MSC: variants seen among roughly 807,000 people sequenced by gnomAD.
The protein encoded by MSC is musculin.
A neutral mutation model predicts 14.4 loss-of-function variants in MSC; 16 were observed. The observed-to-expected ratio is 1.11, with a 90% confidence interval of 0.75 to 1.69. The LOEUF is 1.69. MSC is among the 40% of genes most tolerant of loss of function. The pLI, the probability that MSC is intolerant of heterozygous loss-of-function variation, is 0.00. For missense variants in MSC, 320 were observed against 288.1 expected (o/e 1.11, Z -0.80); for synonymous variants, 165 against 128.5 (o/e 1.28, Z -1.92).
At position 71,842,499 on chromosome 8, in the gene MSC, G is replaced by A; in HGVS notation, c.*162C>T. The A allele has an allele frequency of 4.0e-6, 3 of 754,876 alleles. No homozygotes were observed. Among genetic ancestry groups the A allele is most frequent in the Non-Finnish European group, 7.0e-6 (3 of 429,688 alleles). The allele number at this position is 754,876 out of a possible 1,614,324, so 46.8% of individuals were successfully genotyped here. A position where few individuals can be genotyped will look rare whatever the true frequency, so the allele number is the denominator to read the frequency against. On this transcript the variant is annotated 3_prime_UTR_variant, in exon 2 of 2. Transcript: ENST00000325509. The stretch of plus-strand genomic sequence containing the variant: ...TAGCCGTGGGCGCTGTGCAGTGACA[G>A]CCACACCCGCCACCTGTCACGATCA...
chr8:71,842,510 C>T lies in MSC; in HGVS notation c.*151G>A, dbSNP rs1807404390. 3 of 800,404 alleles carry T rather than the reference C, an allele frequency of 3.7e-6. No individual in the cohort carries two copies. Among genetic ancestry groups the T allele is most frequent in the South Asian group, 3.0e-5 (2 of 67,560 alleles). 49.6% of individuals were successfully genotyped at this position (800,404 alleles called of 1,614,324 possible). ...GCTGTGCAGTGACAGCCACACCCGC[C>T]ACCTGTCACGATCACAGTTCCAGGG... On this transcript the variant is annotated 3_prime_UTR_variant, in exon 2 of 2. Transcript: ENST00000325509.
Position 71,843,790 on chromosome 8 carries a change from AGCC to A in MSC, c.386_388del (p.Arg129_Leu130delinsIle). The A allele has an allele frequency of 6.2e-7, 1 of 1,613,834 alleles. No homozygotes were observed. Among genetic ancestry groups the A allele is most frequent in the Non-Finnish European group, 8.5e-7 (1 of 1,179,982 alleles). On this transcript the variant is annotated inframe_deletion, in exon 1 of 2. Transcript: ENST00000325509. ...GGGCACCCAGGGCAGGCTGGTCTTG[AGCC>A]TGGAGAAGGCTTTGCTCAGCACGCG...
At chr8:71,843,151 C>A in intron 1 of MSC, 1 of 332,064 alleles carries the variant, frequency 3.0e-6, no homozygotes, top group Non-Finnish European at 5.8e-6. Context: ...GGAGAGCTGG[C>A]AGATCAGAGA....
At position 71,842,295 on chromosome 8, in the gene MSC, T is replaced by C; in HGVS notation, c.*366A>G. ...GCTGTGTGGAACCGTCCCGCACGTG[T>C]GCGATGAATCTGGCTCCGCTGAGAA... On this transcript the variant is annotated 3_prime_UTR_variant, in exon 2 of 2. Coordinates refer to ENST00000325509, the MANE Select transcript of MSC (RefSeq NM_005098.4). 3.2e-6 allele frequency: 1 copy of C among 310,616 alleles called. No homozygotes were observed. The highest frequency in any genetic ancestry group is 6.3e-6 in the Non-Finnish European group (1 of 157,676). 19.2% of individuals were successfully genotyped at this position (310,616 alleles called of 1,614,324 possible). A position where few individuals can be genotyped will look rare whatever the true frequency, so the allele number is the denominator to read the frequency against.
At position 71,843,031 on chromosome 8, in the gene MSC, A is replaced by AACACAC. The variant is rs569519706; in HGVS notation, c.535-290_535-285dup. ...GTTCTGTCGTTTAGTTCCCTTCCCC[A>AACACAC]ACACACACACACACACACGCACACA... On this transcript the variant is annotated intron_variant, in intron 1 of 1. Coordinates refer to ENST00000325509, the MANE Select transcript of MSC (RefSeq NM_005098.4). 607 of 268,930 alleles carry AACACAC rather than the reference A, an allele frequency of 2.3e-3. 48 individuals are homozygous for AACACAC. The highest frequency in any genetic ancestry group is 3.6e-3 in the East Asian group (39 of 10,814). The allele number at this position is 268,930 out of a possible 1,614,324, so 16.7% of individuals were successfully genotyped here. A position where few individuals can be genotyped will look rare whatever the true frequency, so the allele number is the denominator to read the frequency against.
At chr8:71,843,576 C>T in intron 1 of MSC, 69 bp downstream of exon 1, 1 of 1,608,198 alleles carries the variant, frequency 6.2e-7, no homozygotes, top group Non-Finnish European at 8.5e-7. Context: ...GCTGACCCTG[C>T]CCGGCGCCCA....
At chr8:71,843,255 C>CT in intron 1 of MSC, 1 of 373,310 alleles carries the variant, frequency 2.7e-6, no homozygotes, top group South Asian at 2.5e-5. Flanking sequence ...AGAGCTCGGC[C>CT]TTCCCTCCTT....
At position 71,842,421 on chromosome 8, in the gene MSC, A is replaced by G; in HGVS notation, c.*240T>C. ...ACCTGCGTCCGCGTCTCGTCACGAA[A>G]GGAAGCTCTTTTTGGAGAGGCAAAA... On this transcript the variant is annotated 3_prime_UTR_variant, in exon 2 of 2. Transcript: ENST00000325509. 1 of 519,122 alleles carries G rather than the reference A, an allele frequency of 1.9e-6. No homozygotes were observed. The highest frequency in any genetic ancestry group is 3.5e-6 in the Non-Finnish European group (1 of 282,956). 32.2% of individuals were successfully genotyped at this position (519,122 alleles called of 1,614,324 possible). A position where few individuals can be genotyped will look rare whatever the true frequency, so the allele number is the denominator to read the frequency against.
At position 71,844,106 on chromosome 8, in the gene MSC, C is replaced by G. The variant is rs753728260; in HGVS notation, c.73G>C (p.Ala25Pro). The G allele has an allele frequency of 1.2e-5, 18 of 1,521,666 alleles. No individual in the cohort carries two copies. Among genetic ancestry groups the G allele is most frequent in the Non-Finnish European group, 1.6e-5 (18 of 1,135,992 alleles). The allele number at this position is 1,521,666 out of a possible 1,614,324, so 94.3% of individuals were successfully genotyped here. The part of the protein sequence containing the change: ...RGLQREYPVP[A>P]SKRPPLRGVE... ...CCGCGGAGGGGCGGCCTCTTGGAGG[C>G]GGGGACCGGGTACTCCCGCTGCAGC... Residue 25 changes from alanine (A) to proline (P), a missense_variant, in exon 1 of 2, where the codon GCC (alanine) becomes CCC (proline). Coordinates refer to ENST00000325509, the MANE Select transcript of MSC (RefSeq NM_005098.4).
At position 71,843,991 on chromosome 8, in the gene MSC, G is replaced by A. The variant is rs1454867334; in HGVS notation, c.188C>T (p.Thr63Ile). 1 of 1,566,690 alleles carries A rather than the reference G, an allele frequency of 6.4e-7. No individual in the cohort carries two copies. The highest frequency in any genetic ancestry group is 8.6e-7 in the Non-Finnish European group (1 of 1,157,810). The part of the protein sequence containing the change: ...DGEEERCALG[T>I]AGSAEGCKRK... ...CTTGCAGCCTTCCGCGCTGCCGGCT[G>A]TGCCCAGAGCGCAGCGCTCCTCCTC... The change falls in exon 1 of 2, where the codon ACA becomes ATA. Residue 63 changes from threonine (T) to isoleucine (I), a missense_variant. Coordinates refer to ENST00000325509, the MANE Select transcript of MSC (RefSeq NM_005098.4).
Position 71,842,717 on chromosome 8 carries a change from C to A in MSC, c.565G>T (p.Asp189Tyr), listed in dbSNP as rs1446099611. ...GCGGAAACTTCTTTGGTGTCAGAGT[C>A]CGGTCTTCCCGAGACCACGAATGGC... ...TWPFVVSGRPDSDTKEVSAAN... is the reference protein window; with the variant it reads ...TWPFVVSGRPYSDTKEVSAAN... The change falls in exon 2 of 2, where the codon GAC becomes TAC. Residue 189 changes from aspartate (D) to tyrosine (Y), a missense_variant. Coordinates refer to ENST00000325509, the MANE Select transcript of MSC (RefSeq NM_005098.4). 1 of 1,613,998 alleles carries A rather than the reference C, an allele frequency of 6.2e-7. No homozygotes were observed. The highest frequency in any genetic ancestry group is 8.5e-7 in the Non-Finnish European group (1 of 1,180,024).
chr8:71,843,423 T>G (rs774134340), intron 1 of MSC: 8 of 671,956 alleles, frequency 1.2e-5, no homozygotes, highest in Admixed American at 6.6e-5. Flanking sequence ...TGGGGTACAA[T>G]GTTCAGAACG....
In MSC at chr8:71,844,252, C is replaced by G. The variant is rs773016490; in HGVS notation, c.-74G>C. 22 of 1,588,230 alleles carry G rather than the reference C, an allele frequency of 1.4e-5. No individual in the cohort carries two copies. Among genetic ancestry groups the G allele is most frequent in the Non-Finnish European group, 1.5e-5 (17 of 1,164,602 alleles). ...AGTCTCGCTGTCTCCGCCTTCCGCT[C>G]CCTGGCGGAGGCGGAGGCCAGAGAG... On this transcript the variant is annotated 5_prime_UTR_variant, in exon 1 of 2. Coordinates refer to ENST00000325509, the MANE Select transcript of MSC (RefSeq NM_005098.4).
rs200626858 is a variant in MSC, at chr8:71,843,762, G to T, written c.417C>A (p.Pro139=). ...RLKTSLPWVP[P]DTKLSKLDTL... is the part of the protein sequence containing the mutation. ...TGTCCAGCTTGGAGAGCTTAGTGTC[G>T]GGGGGCACCCAGGGCAGGCTGGTCT... Residue 139 remains proline (P), a synonymous_variant, in exon 1 of 2, where the codon CCC becomes CCA. Transcript: ENST00000325509. 81 of 1,614,090 alleles carry T rather than the reference G, an allele frequency of 5.0e-5. No individual in the cohort carries two copies. Among genetic ancestry groups the T allele is most frequent in the Non-Finnish European group, 5.2e-5 (61 of 1,180,038 alleles).
At position 71,842,418 on chromosome 8, in the gene MSC, G is replaced by C. The variant is rs1316767687; in HGVS notation, c.*243C>G. On this transcript the variant is annotated 3_prime_UTR_variant, in exon 2 of 2. Transcript: ENST00000325509. ...TGGACCTGCGTCCGCGTCTCGTCAC[G>C]AAAGGAAGCTCTTTTTGGAGAGGCA... The C allele has an allele frequency of 2.0e-6, 1 of 504,722 alleles. No homozygotes were observed. 31.3% of individuals were successfully genotyped at this position (504,722 alleles called of 1,614,324 possible). A position where few individuals can be genotyped will look rare whatever the true frequency, so the allele number is the denominator to read the frequency against.
chr8:71,843,183 A>G (rs1348856273), intron 1 of MSC: 1 of 330,564 alleles, frequency 3.0e-6, no homozygotes, highest in Non-Finnish European at 5.8e-6. Flanking sequence ...GATAAATCCC[A>G]TCTGGGGAAA....
Position 71,844,130 on chromosome 8 carries a change from G to A in MSC, c.49C>T (p.Leu17=), listed in dbSNP as rs781272213. The change falls in exon 1 of 2, where the codon CTG becomes TTG. Residue 17 remains leucine, a synonymous_variant. Transcript: ENST00000325509. ...SDPEEMELRG[L]QREYPVPASK... ...GCGGGGACCGGGTACTCCCGCTGCAGCCCCCGAAGCTCCATCTCCTCCGGA... is the reference window on the plus strand; with the variant it reads ...GCGGGGACCGGGTACTCCCGCTGCAACCCCCGAAGCTCCATCTCCTCCGGA... 4 of 1,527,020 alleles carry A rather than the reference G, an allele frequency of 2.6e-6. No individual in the cohort carries two copies. The African/African-American group carries it at 5.5e-5, about 21-fold the overall frequency. 94.6% of individuals were successfully genotyped at this position (1,527,020 alleles called of 1,614,324 possible). A position where few individuals can be genotyped will look rare whatever the true frequency, so the allele number is the denominator to read the frequency against.
chr8:71,842,422 G>A lies in MSC; in HGVS notation c.*239C>T. The A allele has an allele frequency of 1.9e-6, 1 of 523,152 alleles. No individual in the cohort carries two copies. The highest frequency in any genetic ancestry group is 3.5e-6 in the Non-Finnish European group (1 of 285,410). 32.4% of individuals were successfully genotyped at this position (523,152 alleles called of 1,614,324 possible). A position where few individuals can be genotyped will look rare whatever the true frequency, so the allele number is the denominator to read the frequency against. ...CCTGCGTCCGCGTCTCGTCACGAAA[G>A]GAAGCTCTTTTTGGAGAGGCAAAAC... On this transcript the variant is annotated 3_prime_UTR_variant, in exon 2 of 2. Transcript: ENST00000325509.
In MSC at chr8:71,842,621, CAT is replaced by C; in HGVS notation, c.*38_*39del. On this transcript the variant is annotated 3_prime_UTR_variant, in exon 2 of 2. Transcript: ENST00000325509. ...TCTCTCCGTGGCCCCCAAACACTCG[CAT>C]TTAACGAATAATCCCATCAAGTGAG... The C allele has an allele frequency of 6.3e-7, 1 of 1,592,796 alleles. No homozygotes were observed. Among genetic ancestry groups the C allele is most frequent in the Non-Finnish European group, 8.6e-7 (1 of 1,160,772 alleles).
Sources: gnomAD v4.1 joint callset for allele counts on GRCh38, gnomAD v4.1.1 for gene constraint, MANE v1.5 for transcripts, NCBI Gene and HGNC (gene_info 2026-07-23, HGNC 2026-07-21) for gene names.